Variants in STK31 observed in about 807,000 individuals in gnomAD.
The protein encoded by STK31 is serine/threonine-protein kinase 31.
Under a neutral mutation model 129.7 loss-of-function variants are expected in STK31, and 89 were observed. The observed-to-expected ratio is 0.69, with a 90% confidence interval of 0.58 to 0.82. The LOEUF is 0.82. STK31 is among the 40% of genes least tolerant of loss of function. STK31 has a pLI of 0.00. For synonymous variants in STK31, 448 were observed against 395.3 expected, an observed-to-expected ratio of 1.13 and a Z score of -1.58; for missense variants, 1,187 against 1,176.4, an observed-to-expected ratio of 1.01 and a Z score of -0.13.
chr7:23,716,797 CTTT>C (rs34047442), intron 3 of STK31, among the ~76,000 whole-genome samples: 8 of 123,362 alleles, frequency 6.5e-5, no homozygotes, highest in Non-Finnish European at 1.2e-4. Context: ...TTTTTGAGCA[CTTT>C]TTTTTTTTTT....
At chr7:23,797,660 G>A (rs536841516) in intron 22 of STK31, among the ~76,000 whole-genome samples, 3 of 152,240 alleles carry the variant, frequency 2.0e-5, no homozygotes, top group South Asian at 2.1e-4. Flanking sequence ...GAGAAAGCGG[G>A]AAAGATCTAA....
chr7:23,785,151 C>CT (rs1429560838), intron 17 of STK31, among the ~76,000 whole-genome samples: 1 of 152,050 alleles, frequency 6.6e-6, no homozygotes, highest in Non-Finnish European at 1.5e-5. Flanking sequence ...TCAGTTGTTA[C>CT]TTTAGTATTT....
intron 17 of STK31, among the ~76,000 whole-genome samples, chr7:23,785,124 C>G (rs1220695039): frequency 2.6e-5 from 4 of 152,244 alleles, no homozygotes; most frequent in South Asian, 2.1e-4. Flanking sequence ...GTCCCTCATT[C>G]CTCACCCCCG....
intron 8 of STK31, among the ~76,000 whole-genome samples, chr7:23,744,386 T>C (rs1387544555): frequency 2.6e-5 from 4 of 152,058 alleles, no homozygotes; most frequent in Non-Finnish European, 5.9e-5. Context: ...TTCAGAATTA[T>C]CTTTTATCTC....
intron 21 of STK31, 123 bp downstream of exon 21, chr7:23,788,252 C>T: frequency 1.2e-6 from 1 of 850,370 alleles, no homozygotes; most frequent in Non-Finnish European, 1.6e-6. Flanking sequence ...TAAACTGTGT[C>T]ATGTAGTATA....
intron 11 of STK31, among the ~76,000 whole-genome samples, chr7:23,765,441 C>T (rs1267735462): frequency 1.3e-5 from 2 of 152,028 alleles, no homozygotes; most frequent in African/African-American, 2.4e-5. Flanking sequence ...AAGCACCCAA[C>T]GTATATCTTT....
At chr7:23,825,456 A>AT (rs1417356831) in intron 23 of STK31, among the ~76,000 whole-genome samples, 1 of 152,054 alleles carries the variant, frequency 6.6e-6, no homozygotes, top group Admixed American at 6.5e-5. Context: ...CCCCTTTGTC[A>AT]TTTTTTATTG....
chr7:23,810,752 TATA>T (rs1320338371), intron 22 of STK31, among the ~76,000 whole-genome samples: 1 of 130,910 alleles, frequency 7.6e-6, no homozygotes, highest in African/African-American at 3.0e-5. Flanking sequence ...AATAGATATA[TATA>T]ATATATAATA....
At chr7:23,752,571 G>A (rs978351476) in intron 8 of STK31, 146 bp from the exon 9 acceptor site, 1 of 646,124 alleles carries the variant, frequency 1.5e-6, no homozygotes, top group African/African-American at 1.9e-5. Flanking sequence ...AAACTTCTGA[G>A]CTCAAACCAT....
chr7:23,735,171 A>G (rs1787646147), intron 6 of STK31, among the ~76,000 whole-genome samples: 1 of 152,112 alleles, frequency 6.6e-6, no homozygotes, highest in Non-Finnish European at 1.5e-5. Flanking sequence ...TACCTTTTCT[A>G]GATATCAGAG....
chr7:23,797,889 T>C (rs1792076608), intron 22 of STK31, among the ~76,000 whole-genome samples: 1 of 151,594 alleles, frequency 6.6e-6, no homozygotes, highest in Admixed American at 6.6e-5. Context: ...AAGAATCAAA[T>C]AGACACAATA....
In STK31 at chr7:23,832,203, T is replaced by C; in HGVS notation, c.2897T>C (p.Val966Ala). ...CYRSSMTAEQ[V>A]LNAECFLMPK... ...AGAAGTTCAATGACTGCTGAACAAG[T>C]TTTAAATGCTGAATGTTTCTTGATG... Residue 966 changes from valine (V) to alanine (A), a missense_variant, in exon 24 of 24, where the codon GTT (valine) becomes GCT (alanine). Coordinates refer to ENST00000355870, the MANE Select transcript of STK31 (RefSeq NM_031414.5). 1 of 1,614,132 alleles carries C rather than the reference T, an allele frequency of 6.2e-7. No individual in the cohort carries two copies. Among genetic ancestry groups the C allele is most frequent in the Non-Finnish European group, 8.5e-7 (1 of 1,180,004 alleles).
At chr7:23,742,326 A>G (rs1453514597) in intron 8 of STK31, among the ~76,000 whole-genome samples, 1 of 152,200 alleles carries the variant, frequency 6.6e-6, no homozygotes, top group Admixed American at 6.5e-5. Flanking sequence ...GGTGACAAGT[A>G]TCCTCCTGGG....
In STK31 at chr7:23,769,755, T is replaced by G; in HGVS notation, c.1712T>G (p.Val571Gly). Residue 571 changes from valine to glycine, a missense_variant and splice_region_variant, in exon 13 of 24, where the codon GTT becomes GGT. By Grantham distance (109) the Val-to-Gly change is moderately radical. This residue lies in a region of STK31 where 975 missense variants were observed against 934.9 expected (regional missense o/e 1.04). Coordinates refer to ENST00000355870, the MANE Select transcript of STK31 (RefSeq NM_031414.5). ...SVCKELEIALVDQGDADKEII... is the reference protein window; with the variant it reads ...SVCKELEIALGDQGDADKEII... ...TGCAAAGAGCTGGAGATAGCTCTGG[T>G]TGTGAGTATCGATATTCTTTATTAT... 2 of 1,579,796 alleles carry G rather than the reference T, an allele frequency of 1.3e-6. No homozygotes were observed. The highest frequency in any genetic ancestry group is 1.1e-5 in the South Asian group (1 of 88,108).
At chr7:23,720,461 C>G (rs1786625598) in intron 4 of STK31, among the ~76,000 whole-genome samples, 1 of 152,082 alleles carries the variant, frequency 6.6e-6, no homozygotes. Context: ...TGTGTCTTAT[C>G]AAGAGTCACA....
chr7:23,817,875 T>C (rs1159891789), intron 23 of STK31, among the ~76,000 whole-genome samples: 56 of 152,220 alleles, frequency 3.7e-4, no homozygotes, highest in Non-Finnish European at 5.9e-5. Context: ...TTCAGTCTTC[T>C]CTCTTTTTTT....
At chr7:23,749,398 A>G (rs1221768507) in intron 8 of STK31, among the ~76,000 whole-genome samples, 1 of 143,486 alleles carries the variant, frequency 7.0e-6, no homozygotes, top group East Asian at 2.0e-4. Context: ...TCTGGAATGC[A>G]GTGGCGTGAT....
intron 3 of STK31, among the ~76,000 whole-genome samples, chr7:23,715,258 A>G (rs1786233520): frequency 6.6e-6 from 1 of 152,072 alleles, no homozygotes; most frequent in Admixed American, 6.5e-5. Flanking sequence ...ATAAGCAAAC[A>G]CTTCAGATTG....
Position 23,790,882 on chromosome 7 carries a change from T to C in STK31, c.2696T>C (p.Leu899Ser). ...GACTTGAGTTTGATGTCACCTGAGTTGAAAATGGGAAAACCTGCTTCTCCA... is the reference window on the plus strand; with the variant it reads ...GACTTGAGTTTGATGTCACCTGAGTCGAAAATGGGAAAACCTGCTTCTCCA... Reference protein sequence around the residue: ...VGDLSLMSPELKMGKPASPGS... With the variant: ...VGDLSLMSPESKMGKPASPGS... Residue 899 changes from leucine (L) to serine (S), a missense_variant, in exon 22 of 24, where the codon TTG becomes TCG. By Grantham distance (145) the Leu-to-Ser change is moderately radical. Transcript: ENST00000355870. The C allele has an allele frequency of 6.2e-7, 1 of 1,609,430 alleles. No homozygotes were observed. The highest frequency in any genetic ancestry group is 1.7e-5 in the Admixed American group (1 of 58,826).
Sources: allele counts gnomAD v4.1 joint callset (sites outside exome capture counted in the v4.1 genomes callset), GRCh38; gene constraint gnomAD v4.1.1; regional missense constraint gnomAD v4.1.1; transcripts MANE v1.5; gene names NCBI Gene and HGNC (gene_info 2026-07-23, HGNC 2026-07-21).